ZNF121: variants seen among roughly 807,000 people sequenced by gnomAD.
The protein encoded by ZNF121 is zinc finger protein 121 (clone ZHC32).
In ZNF121, 1 loss-of-function variant was observed where a neutral mutation model predicts 2.4. The ratio of observed to expected loss-of-function variants is 0.41; its 90% CI spans 0.15 to 1.94. The LOEUF is 1.94. Among genes scored for constraint, ZNF121 ranks in the 30% most tolerant of loss-of-function variants. The pLI, the probability that ZNF121 is intolerant of heterozygous loss-of-function variation, is 0.30. For synonymous variants in ZNF121, 173 were observed against 158.6 expected (o/e 1.09, Z -0.68); for missense variants, 369 against 466.3 (o/e 0.79, Z 1.92).
At chr19:9,577,961 G>A (rs1297730853) in intron 1 of ZNF121, among the ~76,000 whole-genome samples, 1 of 151,894 alleles carries the variant, frequency 6.6e-6, no homozygotes, top group East Asian at 1.9e-4. Context: ...GGGAGGCCAA[G>A]GTGGGCAGAC....
In ZNF121 at chr19:9,561,095, TAA is replaced by T. The variant is rs1423153736; in HGVS notation, c.*4843_*4844del. 1.4e-4 allele frequency: 21 copies of T among 152,214 alleles called. No individual in the cohort carries two copies. The highest frequency in any genetic ancestry group is 2.9e-5 in the Non-Finnish European group (2 of 68,032). The allele number at this position is 152,214 out of a possible 1,614,324, so 9.4% of individuals were successfully genotyped here. A position where few individuals can be genotyped will look rare whatever the true frequency, so the allele number is the denominator to read the frequency against. On this transcript the variant is annotated 3_prime_UTR_variant, in exon 4 of 4. Coordinates refer to ENST00000320451, the MANE Select transcript of ZNF121 (RefSeq NM_001008727.5). ...TAACCCAGCAGTGCTGCAGTGGAAT[TAA>T]AAGTGTTGGCTTGTGGTCATGTTTT...
rs576203184 is a variant in ZNF121, at chr19:9,561,896, GAAA to G, written c.*4041_*4043del. 2 of 107,690 alleles carry G rather than the reference GAAA, an allele frequency of 1.9e-5. No homozygotes were observed. Among genetic ancestry groups the G allele is most frequent in the Non-Finnish European group, 2.1e-5 (1 of 48,456 alleles). The allele number at this position is 107,690 out of a possible 1,614,324, so 6.7% of individuals were successfully genotyped here. A position where few individuals can be genotyped will look rare whatever the true frequency, so the allele number is the denominator to read the frequency against. Reference sequence around the variant, plus strand: ...GCAAGACCCCAATGCAGACCAAAAAGAAAAAAAAAAAAAAGGAAAAGAAAACCA... The same window carrying G: ...GCAAGACCCCAATGCAGACCAAAAAGAAAAAAAAAAAGGAAAAGAAAACCA... On this transcript the variant is annotated 3_prime_UTR_variant, in exon 4 of 4. Coordinates refer to ENST00000320451, the MANE Select transcript of ZNF121 (RefSeq NM_001008727.5).
At chr19:9,570,746 G>C (rs936942467) in intron 1 of ZNF121, among the ~76,000 whole-genome samples, 3 of 151,168 alleles carry the variant, frequency 2.0e-5, no homozygotes, top group Non-Finnish European at 3.0e-5. Flanking sequence ...TTTTGCGAGG[G>C]GGGGGGGTAT....
Position 9,566,414 on chromosome 19 carries a change from A to G in ZNF121, c.699T>C (p.Cys233=). Residue 233 remains cysteine, a synonymous_variant, in exon 4 of 4, where the codon TGT becomes TGC. Coordinates refer to ENST00000320451, the MANE Select transcript of ZNF121 (RefSeq NM_001008727.5). ...GATAAAACCTATTGTAGGCTTTCCCACATTCGTTACATTCATAGGGCTTCT... is the reference window on the plus strand; with the variant it reads ...GATAAAACCTATTGTAGGCTTTCCCGCATTCGTTACATTCATAGGGCTTCT... ...TGEKPYECNE[C]GKAYNRFYLL... The G allele has an allele frequency of 6.2e-7, 1 of 1,614,040 alleles. No homozygotes were observed. Among genetic ancestry groups the G allele is most frequent in the South Asian group, 1.1e-5 (1 of 91,060 alleles).
At chr19:9,573,470 G>C (rs1177258271) in intron 1 of ZNF121, among the ~76,000 whole-genome samples, 1 of 152,170 alleles carries the variant, frequency 6.6e-6, no homozygotes, top group Admixed American at 6.5e-5. Flanking sequence ...AGAGAAGAAT[G>C]AAAAGGAACT....
rs1599734549 is a variant in ZNF121, at chr19:9,566,781, T to C, written c.332A>G (p.Asn111Ser). 5 of 1,614,218 alleles carry C rather than the reference T, an allele frequency of 3.1e-6. No homozygotes were observed. In the East Asian group the frequency reaches 6.7e-5, roughly 22 times the overall value. The change falls in exon 4 of 4, where the codon AAT becomes AGT. Residue 111 changes from asparagine (N) to serine (S), a missense_variant. This residue lies in a region of ZNF121 where 168 missense variants were observed against 162.3 expected (regional missense o/e 1.03). Transcript: ENST00000320451. ...CTTCTGTTCATAGAGTGTTTCTCCA[T>C]TGTGAGTTATCCTATTTGCCTGAAG... ...SHLQANRITH[N>S]GETLYEQKQC...
intron 1 of ZNF121, among the ~76,000 whole-genome samples, chr19:9,583,412 G>C (rs1331245723): frequency 6.8e-6 from 1 of 146,378 alleles, no homozygotes; most frequent in Admixed American, 6.7e-5. Context: ...TGCAACCTCG[G>C]CCTCTCAGGT....
At chr19:9,571,381 T>C (rs1319600266) in intron 1 of ZNF121, among the ~76,000 whole-genome samples, 1 of 152,236 alleles carries the variant, frequency 6.6e-6, no homozygotes. Flanking sequence ...AATCATAACC[T>C]GTCACTCAAT....
chr19:9,582,360 C>T (rs1037671604), intron 1 of ZNF121, among the ~76,000 whole-genome samples: 3 of 152,112 alleles, frequency 2.0e-5, no homozygotes, highest in African/African-American at 7.2e-5. Flanking sequence ...TTGTTCCTGC[C>T]CCAACCTAAC....
intron 1 of ZNF121, among the ~76,000 whole-genome samples, chr19:9,583,329 C>G (rs1205967441): frequency 6.6e-6 from 1 of 151,518 alleles, no homozygotes; most frequent in African/African-American, 2.4e-5. Context: ...GTATTATTGC[C>G]TTTCTTTCTT....
chr19:9,566,147 A>G lies in ZNF121; in HGVS notation c.966T>C (p.Ala322=). The part of the protein sequence containing the change: ...YECKDCGKAF[A]TSSQLIEHIR... ...TATGTTCAATGAGTTGTGAAGATGT[A>G]GCAAAGGCTTTCCCACAGTCCTTAC... Residue 322 remains alanine, a synonymous_variant, in exon 4 of 4, where the codon GCT becomes GCC. Coordinates refer to ENST00000320451, the MANE Select transcript of ZNF121 (RefSeq NM_001008727.5). 6.2e-7 allele frequency: 1 copy of G among 1,614,116 alleles called. No individual in the cohort carries two copies. Among genetic ancestry groups the G allele is most frequent in the South Asian group, 1.1e-5 (1 of 91,078 alleles).
chr19:9,571,131 T>C (rs912966356), intron 1 of ZNF121, among the ~76,000 whole-genome samples: 1 of 152,224 alleles, frequency 6.6e-6, no homozygotes, highest in Non-Finnish European at 1.5e-5. Flanking sequence ...TTAGGCATTA[T>C]GGGCCACATG....
Position 9,565,713 on chromosome 19 carries a change from TAAAATAATAA to T in ZNF121, c.*217_*226del. On this transcript the variant is annotated 3_prime_UTR_variant, in exon 4 of 4. Transcript: ENST00000320451. ...TAAAATAAAATAAAATAAAATAAAA[TAAAATAATAA>T]AAAAAGATTCCATTGGCTCCCTAAC... 6.1e-6 allele frequency: 1 copy of T among 163,608 alleles called. No individual in the cohort carries two copies. The highest frequency in any genetic ancestry group is 1.1e-5 in the Non-Finnish European group (1 of 89,446). The allele number at this position is 163,608 out of a possible 1,614,324, so 10.1% of individuals were successfully genotyped here. A position where few individuals can be genotyped will look rare whatever the true frequency, so the allele number is the denominator to read the frequency against.
chr19:9,568,941 C>T (rs1222671048), intron 2 of ZNF121, 61 bp downstream of exon 2: 1 of 152,680 alleles, frequency 6.5e-6, no homozygotes, highest in Admixed American at 6.5e-5. Flanking sequence ...TTAAATATAT[C>T]TTCATTATGC....
chr19:9,562,386 G>T lies in ZNF121; in HGVS notation c.*3554C>A. 4.9e-6 allele frequency: 1 copy of T among 203,026 alleles called. No homozygotes were observed. Among genetic ancestry groups the T allele is most frequent in the Non-Finnish European group, 1.1e-5 (1 of 88,938 alleles). The allele number at this position is 203,026 out of a possible 1,614,324, so 12.6% of individuals were successfully genotyped here. A position where few individuals can be genotyped will look rare whatever the true frequency, so the allele number is the denominator to read the frequency against. On this transcript the variant is annotated 3_prime_UTR_variant, in exon 4 of 4. Transcript: ENST00000320451. The stretch of plus-strand genomic sequence containing the variant: ...TCACCATGGTGGCCAGGCTGGTCTC[G>T]AACTCCTGACCTCATGATTCACTCA...
chr19:9,572,744 G>A (rs1325007614), intron 1 of ZNF121, among the ~76,000 whole-genome samples: 7 of 152,296 alleles, frequency 4.6e-5, no homozygotes, highest in African/African-American at 1.7e-4. Flanking sequence ...TGCTGAAAAC[G>A]AGGCAGTGAC....
chr19:9,571,944 C>T (rs1020512656), intron 1 of ZNF121, among the ~76,000 whole-genome samples: 3 of 151,980 alleles, frequency 2.0e-5, no homozygotes, highest in African/African-American at 7.2e-5. Flanking sequence ...TTTCTTTTTA[C>T]TATAGACATG....
rs754653253 is a variant in ZNF121 at position 9,566,336 on chromosome 19, C to T, written c.777G>A (p.Lys259=). 7 of 1,613,858 alleles carry T rather than the reference C, an allele frequency of 4.3e-6. No individual in the cohort carries two copies. The highest frequency in any genetic ancestry group is 1.1e-5 in the South Asian group (1 of 91,036). Residue 259 remains lysine (K), a synonymous_variant, in exon 4 of 4, where the codon AAG becomes AAA. Coordinates refer to ENST00000320451, the MANE Select transcript of ZNF121 (RefSeq NM_001008727.5). ...THTEEKPFEC[K]VCGKSFRSSS... ...AGCTTCTGAAGGATTTTCCACATACCTTACATTCAAAGGGCTTCTCCTCTG... is the reference window on the plus strand; with the variant it reads ...AGCTTCTGAAGGATTTTCCACATACTTTACATTCAAAGGGCTTCTCCTCTG...
In ZNF121 at chr19:9,561,356, T is replaced by C. The variant is rs1040478536; in HGVS notation, c.*4584A>G. Reference sequence around the variant, plus strand: ...CAAACTGTTGCCCAGAAAATAATTATATACCCATGAAATAAGGAGAATACA... The same window carrying C: ...CAAACTGTTGCCCAGAAAATAATTACATACCCATGAAATAAGGAGAATACA... On this transcript the variant is annotated 3_prime_UTR_variant, in exon 4 of 4. Coordinates refer to ENST00000320451, the MANE Select transcript of ZNF121 (RefSeq NM_001008727.5). The C allele has an allele frequency of 1.3e-5, 2 of 152,208 alleles. No individual in the cohort carries two copies. Among genetic ancestry groups the C allele is most frequent in the African/African-American group, 4.8e-5 (2 of 41,448 alleles). The allele number at this position is 152,208 out of a possible 1,614,324, so 9.4% of individuals were successfully genotyped here.
Sources: gnomAD v4.1 joint callset for allele counts (sites outside exome capture counted in the v4.1 genomes callset) on GRCh38, gnomAD v4.1.1 for gene constraint, gnomAD v4.1.1 regional missense constraint, MANE v1.5 for transcripts, NCBI Gene and HGNC (gene_info 2026-07-23, HGNC 2026-07-21) for gene names.